UBR4: variants seen among roughly 807,000 people sequenced by gnomAD.
UBR4 encodes E3 ubiquitin-protein ligase UBR4.
Under a neutral mutation model 575.6 loss-of-function variants are expected in UBR4, and 124 were observed. The observed-to-expected ratio is 0.22, with a 90% confidence interval of 0.19 to 0.25. The LOEUF (loss-of-function observed/expected upper bound fraction) is 0.25, where lower values mean the gene tolerates loss of function less well. Ranked by LOEUF, UBR4 falls within the 10% of genes least tolerant of loss-of-function variation. The pLI, the probability that UBR4 is intolerant of heterozygous loss-of-function variation, is 1.00. For missense variants in UBR4, 4,818 were observed against 6,478.8 expected (o/e 0.74, Z 8.80); for synonymous variants, 2,455 against 2,473.7 (o/e 0.99, Z 0.22).
chr1:19,185,891 A>G (rs925503939), intron 14 of UBR4, among the ~76,000 whole-genome samples: 1 of 152,204 alleles, frequency 6.6e-6, no homozygotes, highest in African/African-American at 2.4e-5. Flanking sequence ...AAGGAGCCCA[A>G]CAAAGAAAGA....
In UBR4 at chr1:19,156,902, T is replaced by C. The variant is rs1015290462; in HGVS notation, c.5784A>G (p.Ala1928=). Residue 1928 remains alanine, a synonymous_variant, in exon 41 of 106, where the codon GCA becomes GCG. Coordinates refer to ENST00000375254, the MANE Select transcript of UBR4 (RefSeq NM_020765.3). ...KGKITVLQLS[A]LLKQADSSKR... ...TGCTGGAATCTGCTTGCTTCAGGAG[T>C]GCAGAGAGCTGCAGAACGGTGATCT... is the stretch of plus-strand genomic sequence containing the variant. 6.2e-7 allele frequency: 1 copy of C among 1,613,776 alleles called. No individual in the cohort carries two copies. Among genetic ancestry groups the C allele is most frequent in the East Asian group, 2.2e-5 (1 of 44,868 alleles).
intron 102 of UBR4, among the ~76,000 whole-genome samples, chr1:19,082,940 T>C (rs975205634): frequency 3.3e-5 from 5 of 152,146 alleles, no homozygotes; most frequent in East Asian, 1.9e-4. Context: ...CCAATGTCAA[T>C]TGGATAGCTG....
intron 1 of UBR4, among the ~76,000 whole-genome samples, chr1:19,206,934 T>C (rs967527222): frequency 1.3e-5 from 2 of 152,186 alleles, no homozygotes; most frequent in Non-Finnish European, 2.9e-5. Flanking sequence ...TAGAATGTGG[T>C]GTACTGAGGA....
At chr1:19,120,094 A>G (rs1280175078) in intron 69 of UBR4, 86 bp downstream of exon 69, 2 of 1,471,918 alleles carry the variant, frequency 1.4e-6, no homozygotes, top group Non-Finnish European at 9.3e-7. Flanking sequence ...CTCTGTGACC[A>G]TATGTAACCG....
At position 19,101,619 on chromosome 1, in the gene UBR4, G is replaced by A. The variant is rs778474779; in HGVS notation, c.12924C>T (p.Ala4308=). 1 of 1,611,122 alleles carries A rather than the reference G, an allele frequency of 6.2e-7. No individual in the cohort carries two copies. Among genetic ancestry groups the A allele is most frequent in the Non-Finnish European group, 8.5e-7 (1 of 1,177,384 alleles). ...CTGTCTCAATGCACACAGCCATGAA[G>A]GCCTTGGTTTCTGATTCTGTACCTG... ...MTTGTESETK[A]FMAVCIETAK... The change falls in exon 88 of 106, where the codon GCC becomes GCT. Residue 4308 remains alanine (A), a synonymous_variant. Transcript: ENST00000375254.
chr1:19,126,691 G>A lies in UBR4; in HGVS notation c.9229-36C>T, dbSNP rs985682573. 5 of 1,602,386 alleles carry A rather than the reference G, an allele frequency of 3.1e-6. No individual in the cohort carries two copies. The African/African-American group carries it at 6.7e-5, about 21-fold the overall frequency. On this transcript the variant is annotated intron_variant, in intron 63 of 105. Coordinates refer to ENST00000375254, the MANE Select transcript of UBR4 (RefSeq NM_020765.3). Reference sequence around the variant, plus strand: ...GAGAAAATACAGAGATGGGAAGAATGGCTTGTAAAAACAATGTGAAATCCA... The same window carrying A: ...GAGAAAATACAGAGATGGGAAGAATAGCTTGTAAAAACAATGTGAAATCCA...
intron 75 of UBR4, 37 bp downstream of exon 75, chr1:19,114,773 AG>A: frequency 6.2e-7 from 1 of 1,610,888 alleles, no homozygotes; most frequent in Non-Finnish European, 8.5e-7. Flanking sequence ...GTCCAGATCA[AG>A]GCCACAGCCC....
intron 22 of UBR4, 51 bp downstream of exon 22, chr1:19,174,268 G>A (rs780756020): frequency 1.3e-6 from 2 of 1,560,030 alleles, no homozygotes; most frequent in Non-Finnish European, 8.6e-7. Flanking sequence ...TGATAGAAAT[G>A]ATCAATGATC....
intron 9 of UBR4, among the ~76,000 whole-genome samples, chr1:19,193,189 A>G (rs1187315404): frequency 6.6e-6 from 1 of 152,208 alleles, no homozygotes; most frequent in Non-Finnish European, 1.5e-5. Flanking sequence ...GCCCTCAAAC[A>G]TATTTGCTGA....
chr1:19,145,750 A>G (rs762753486), intron 53 of UBR4, 43 bp downstream of exon 53: 7 of 1,602,638 alleles, frequency 4.4e-6, no homozygotes. Flanking sequence ...CAGAACTTAC[A>G]TCAGGCTTCA....
At chr1:19,124,129 C>T (rs1031011852) in intron 65 of UBR4, among the ~76,000 whole-genome samples, 13 of 152,236 alleles carry the variant, frequency 8.5e-5, no homozygotes, top group Non-Finnish European at 1.8e-4. Flanking sequence ...GAACCCACTT[C>T]CTGATAACTG....
At chr1:19,145,962 A>G (rs1242242008) in intron 52 of UBR4, 29 bp from the exon 53 acceptor site, 2 of 1,612,410 alleles carry the variant, frequency 1.2e-6, no homozygotes, top group African/African-American at 1.3e-5. Context: ...ATTATCAACG[A>G]TGGTAAATCT....
Position 19,184,070 on chromosome 1 carries a change from G to T in UBR4, c.2044C>A (p.His682Asn), listed in dbSNP as rs376625031. ...NYLSVSLSEHHMATLASIIKE... is the reference protein window; with the variant it reads ...NYLSVSLSEHNMATLASIIKE... Reference sequence around the variant, plus strand: ...ATGATACTGGCTAGGGTGGCCATATGGTGTTCTGAAAGAGATACACTCAGA... The same window carrying T: ...ATGATACTGGCTAGGGTGGCCATATTGTGTTCTGAAAGAGATACACTCAGA... The change falls in exon 16 of 106, where the codon CAT (histidine) becomes AAT (asparagine). Residue 682 changes from histidine to asparagine, a missense_variant. Physicochemically the swap from His to Asn is moderately conservative, Grantham distance 68. Transcript: ENST00000375254. 10 of 1,613,984 alleles carry T rather than the reference G, an allele frequency of 6.2e-6. No individual in the cohort carries two copies. The highest frequency in any genetic ancestry group is 1.3e-5 in the African/African-American group (1 of 74,884).
chr1:19,086,197 G>A lies in UBR4; in HGVS notation c.14761C>T (p.Pro4921Ser), dbSNP rs1184149144. 6.2e-7 allele frequency: 1 copy of A among 1,614,118 alleles called. No homozygotes were observed. The highest frequency in any genetic ancestry group is 1.1e-5 in the South Asian group (1 of 91,054). The change falls in exon 101 of 106, where the codon CCG (proline) becomes TCG (serine). Residue 4921 changes from proline to serine, a missense_variant. Coordinates refer to ENST00000375254, the MANE Select transcript of UBR4 (RefSeq NM_020765.3). ...TCAGGGACATGAGGTCCCCAGACCG[G>A]AAGGAGCCCGTTGCACTTGGTGTTG... ...NANTKCNGLL[P>S]VWGPHVPESA...
At chr1:19,134,918 G>A (rs2083024438) in intron 60 of UBR4, among the ~76,000 whole-genome samples, 1 of 152,060 alleles carries the variant, frequency 6.6e-6, no homozygotes, top group South Asian at 2.1e-4. Context: ...AAGAGGGGAG[G>A]AGAAAATGAA....
chr1:19,205,636 G>A (rs79433750), intron 1 of UBR4, among the ~76,000 whole-genome samples: 3 of 136,212 alleles, frequency 2.2e-5, no homozygotes, highest in Non-Finnish European at 1.6e-5. Flanking sequence ...TTTTGGTGGC[G>A]GGCTTTTTTT....
Position 19,084,542 on chromosome 1 carries a change from G to C in UBR4, c.14970C>G (p.Ile4990Met), listed in dbSNP as rs376059858. ...AAAGCACAGTGTGAATGATGTACGG[G>C]ATCAGGTGGATGTTGCTCTCCCGGC... ...GGGRESNIHLIPYIIHTVLYV... is the reference protein window; with the variant it reads ...GGGRESNIHLMPYIIHTVLYV... The change falls in exon 102 of 106, where the codon ATC becomes ATG. Residue 4990 changes from isoleucine (I) to methionine (M), a missense_variant. Transcript: ENST00000375254. The C allele has an allele frequency of 6.2e-6, 10 of 1,614,044 alleles. No homozygotes were observed. The highest frequency in any genetic ancestry group is 1.7e-6 in the Non-Finnish European group (2 of 1,179,970).
rs1314791982 is a variant in UBR4, at chr1:19,210,161, C to T, written c.88G>A (p.Glu30Lys). The T allele has an allele frequency of 6.4e-7, 1 of 1,565,032 alleles. No individual in the cohort carries two copies. ...GACAGCAGGGGCCGCACAGCCACCT[C>T]CCAGCCCGGGGTCGTGTCCGCCCCC... ...ATGADTTPGW[E>K]VAVRPLLSAS... The change falls in exon 1 of 106, where the codon GAG (glutamate) becomes AAG (lysine). Residue 30 changes from glutamate to lysine, a missense_variant. Physicochemically the swap from Glu to Lys is moderately conservative, Grantham distance 56. Coordinates refer to ENST00000375254, the MANE Select transcript of UBR4 (RefSeq NM_020765.3).
chr1:19,113,341 C>T (rs1326280723), intron 77 of UBR4: 7 of 306,356 alleles, frequency 2.3e-5, no homozygotes, highest in African/African-American at 1.5e-4. Context: ...ACCCTACAGC[C>T]TGCAAACACG....
Sources: gnomAD v4.1 joint callset for allele counts (sites outside exome capture counted in the v4.1 genomes callset) on GRCh38, gnomAD v4.1.1 for gene constraint, MANE v1.5 for transcripts, NCBI Gene and HGNC (gene_info 2026-07-23, HGNC 2026-07-21) for gene names.